BRD4: variants seen among roughly 807,000 people sequenced by gnomAD.
BRD4 encodes bromodomain containing 4.
BRD4 carries 16 observed loss-of-function variants against 142.1 expected under a neutral mutation model. The ratio of observed to expected loss-of-function variants is 0.11; its 90% CI spans 0.08 to 0.17. BRD4 has a LOEUF of 0.17. Among genes scored for constraint, BRD4 ranks in the 10% least tolerant of loss-of-function variants. BRD4 has a pLI of 1.00. For missense variants in BRD4, 1,424 were observed against 1,810.9 expected (o/e 0.79, Z 3.88); for synonymous variants, 833 against 707.5 (o/e 1.18, Z -2.82).
At chr19:15,324,483 C>T (rs1210046720) in intron 1 of BRD4, among the ~76,000 whole-genome samples, 3 of 152,256 alleles carry the variant, frequency 2.0e-5, no homozygotes, top group African/African-American at 7.2e-5. Context: ...GACTCCCAGT[C>T]AGGACCTCCA....
intron 1 of BRD4, among the ~76,000 whole-genome samples, chr19:15,303,486 G>T (rs192263444): frequency 8.5e-5 from 13 of 152,202 alleles, no homozygotes; most frequent in Non-Finnish European, 1.8e-4. Context: ...AACACCTTTA[G>T]ATTCAGAGGA....
intron 10 of BRD4, 127 bp from the exon 11 acceptor site, chr19:15,254,389 G>A: frequency 1.3e-6 from 1 of 774,990 alleles, no homozygotes; most frequent in Non-Finnish European, 2.1e-6. Flanking sequence ...GGGCCCAGGG[G>A]CTGCTCCCAA....
intron 1 of BRD4, among the ~76,000 whole-genome samples, chr19:15,277,180 G>A (rs2047656544): frequency 6.6e-6 from 1 of 152,186 alleles, no homozygotes; most frequent in Non-Finnish European, 1.5e-5. Flanking sequence ...TCAAGGAAAA[G>A]GAAAAGAATT....
At chr19:15,282,591 T>G (rs2047713461) in intron 1 of BRD4, among the ~76,000 whole-genome samples, 1 of 152,214 alleles carries the variant, frequency 6.6e-6, no homozygotes, top group Non-Finnish European at 1.5e-5. Flanking sequence ...CCTGGCCAAA[T>G]TACAGGCTGA....
chr19:15,250,437 G>C (rs73508405), intron 11 of BRD4, among the ~76,000 whole-genome samples: 3 of 152,166 alleles, frequency 2.0e-5, no homozygotes, highest in African/African-American at 7.2e-5. Flanking sequence ...TGGTAAGAAC[G>C]CCCCATGGCC....
chr19:15,249,580 C>G (rs758196595), intron 11 of BRD4, among the ~76,000 whole-genome samples: 1 of 152,196 alleles, frequency 6.6e-6, no homozygotes, highest in Non-Finnish European at 1.5e-5. Context: ...CACTAGCAAG[C>G]TCCACGTGTG....
At chr19:15,331,513 G>A (rs1034514943) in intron 1 of BRD4, among the ~76,000 whole-genome samples, 2 of 152,246 alleles carry the variant, frequency 1.3e-5, no homozygotes, top group African/African-American at 2.4e-5. Context: ...GGGGCTGCCA[G>A]GCTGAGAGTG....
intron 6 of BRD4, 76 bp downstream of exon 6, chr19:15,264,327 TA>T (rs747421701): frequency 6.7e-7 from 1 of 1,502,552 alleles, no homozygotes. Context: ...CCTCTTGGAC[TA>T]AAAGGTCTAG....
At chr19:15,312,071 G>A (rs1047489389) in intron 1 of BRD4, among the ~76,000 whole-genome samples, 2 of 152,206 alleles carry the variant, frequency 1.3e-5, no homozygotes, top group Non-Finnish European at 2.9e-5. Flanking sequence ...AAACACATGC[G>A]TGTGCATGTA....
At position 15,237,754 on chromosome 19, in the gene BRD4, C is replaced by T. The variant is rs199524751; in HGVS notation, c.*623G>A. ...TCGCTCCGGATGCCATGGACACACA[C>T]ACCTCCACGGCACTATTCCCTTTTG... On this transcript the variant is annotated 3_prime_UTR_variant, in exon 20 of 20. Coordinates refer to ENST00000679869, the MANE Select transcript of BRD4 (RefSeq NM_001379291.1). 3 of 232,840 alleles carry T rather than the reference C, an allele frequency of 1.3e-5. No individual in the cohort carries two copies. The highest frequency in any genetic ancestry group is 2.5e-5 in the Non-Finnish European group (3 of 117,886). 14.4% of individuals were successfully genotyped at this position (232,840 alleles called of 1,614,324 possible). A position where few individuals can be genotyped will look rare whatever the true frequency, so the allele number is the denominator to read the frequency against.
intron 1 of BRD4, among the ~76,000 whole-genome samples, chr19:15,289,323 G>A (rs1296693121): frequency 1.3e-5 from 2 of 152,166 alleles, no homozygotes; most frequent in African/African-American, 4.8e-5. Flanking sequence ...AGGCCGAGGC[G>A]GGTGGATCAC....
At chr19:15,261,485 A>G (rs2047470794) in intron 7 of BRD4, among the ~76,000 whole-genome samples, 1 of 152,074 alleles carries the variant, frequency 6.6e-6, no homozygotes, top group Non-Finnish European at 1.5e-5. Flanking sequence ...CCATCTCAAA[A>G]AAAAAAGAAA....
chr19:15,326,634 C>T (rs1186024424), intron 1 of BRD4, among the ~76,000 whole-genome samples: 3 of 152,132 alleles, frequency 2.0e-5, no homozygotes, highest in Non-Finnish European at 4.4e-5. Context: ...TTTCCAAATT[C>T]CTTAAAATGA....
In BRD4 at chr19:15,257,141, C is replaced by A; in HGVS notation, c.1374G>T (p.Pro458=). ...CCACCACTGGCTCCTCAGGCTCGTC[C>A]GGCATCTTGGCAAAGCGCATTTCGA... ...DVFEMRFAKM[P]DEPEEPVVAV... Residue 458 remains proline (P), a synonymous_variant, in exon 8 of 20, where the codon CCG becomes CCT. Coordinates refer to ENST00000679869, the MANE Select transcript of BRD4 (RefSeq NM_001379291.1). 8 of 1,608,486 alleles carry A rather than the reference C, an allele frequency of 5.0e-6. No homozygotes were observed. Among genetic ancestry groups the A allele is most frequent in the Non-Finnish European group, 6.8e-6 (8 of 1,179,390 alleles).
At chr19:15,259,745 T>C (rs1005209256) in intron 7 of BRD4, among the ~76,000 whole-genome samples, 2 of 152,172 alleles carry the variant, frequency 1.3e-5, no homozygotes, top group Non-Finnish European at 2.9e-5. Context: ...AGTACCAGCT[T>C]GATGGTAGAC....
chr19:15,272,787 C>G (rs759160062), intron 2 of BRD4, 28 bp downstream of exon 2: 1 of 1,597,332 alleles, frequency 6.3e-7, no homozygotes, highest in Non-Finnish European at 8.6e-7. Flanking sequence ...CCAGGACGGC[C>G]ACCCTGGGCC....
At chr19:15,256,511 G>A (rs1187488767) in intron 8 of BRD4, among the ~76,000 whole-genome samples, 2 of 152,188 alleles carry the variant, frequency 1.3e-5, no homozygotes, top group East Asian at 3.9e-4. Context: ...CACCAGAGGA[G>A]CTGATCAAGC....
intron 1 of BRD4, among the ~76,000 whole-genome samples, chr19:15,284,922 C>T (rs1365311595): frequency 3.9e-5 from 6 of 152,220 alleles, no homozygotes; most frequent in Non-Finnish European, 8.8e-5. Flanking sequence ...CCACAGAAGT[C>T]AAGCAGCCCA....
At chr19:15,323,394 T>G (rs946680755) in intron 1 of BRD4, among the ~76,000 whole-genome samples, 1 of 152,138 alleles carries the variant, frequency 6.6e-6, no homozygotes, top group African/African-American at 2.4e-5. Context: ...ACCACTGGGC[T>G]GGCAGGTTCC....
Sources: gnomAD v4.1 joint callset for allele counts (sites outside exome capture counted in the v4.1 genomes callset) on GRCh38, gnomAD v4.1.1 for gene constraint, MANE v1.5 for transcripts, NCBI Gene and HGNC (gene_info 2026-07-23, HGNC 2026-07-21) for gene names.